Variants in RYR2 observed in about 807,000 individuals in gnomAD.
RYR2 encodes cardiac muscle ryanodine receptor-calcium release channel.
In RYR2, 227 loss-of-function variants were observed where a neutral mutation model predicts 601.1. The ratio of observed to expected loss-of-function variants is 0.38; its 90% CI spans 0.34 to 0.42. The LOEUF (loss-of-function observed/expected upper bound fraction) is 0.42, where lower values mean the gene tolerates loss of function less well. RYR2 is among the 10% of genes least tolerant of loss of function. The probability of loss-of-function intolerance (pLI) is 1.00; values close to 1 mark genes in which losing one functional copy is unlikely to be tolerated. For missense variants in RYR2, 4,646 were observed against 6,156.5 expected (o/e 0.75, Z 8.21); for synonymous variants, 2,223 against 2,175.1 (o/e 1.02, Z -0.61).
Position 237,333,734 on chromosome 1 carries a change from A to G in RYR2, c.273+2752A>G, listed in dbSNP as rs1696974876. 9 of 408,918 alleles carry G rather than the reference A, an allele frequency of 2.2e-5. No homozygotes were observed. In the East Asian group the frequency reaches 3.7e-4, roughly 17 times the overall value. 25.3% of individuals were successfully genotyped at this position (408,918 alleles called of 1,614,324 possible). On this transcript the variant is annotated intron_variant, in intron 3 of 104. Transcript: ENST00000366574. ...GCCTTATAATGTCCCCTTTACACTC[A>G]TTATGGAACTCTAATGGGGAATTTT... is the stretch of plus-strand genomic sequence containing the variant.
At chr1:237,735,080 T>C (rs1290743909) in intron 79 of RYR2, among the ~76,000 whole-genome samples, 1 of 152,188 alleles carries the variant, frequency 6.6e-6, no homozygotes, top group African/African-American at 2.4e-5. Context: ...CTAGAAGCTA[T>C]AGGACTTATT....
intron 1 of RYR2, among the ~76,000 whole-genome samples, chr1:237,063,199 C>T (rs894517573): frequency 1.5e-4 from 23 of 152,302 alleles, no homozygotes; most frequent in South Asian, 1.2e-3. Flanking sequence ...AGGGCCTTCA[C>T]CAGAACCTGG....
At chr1:237,483,172 T>C (rs568581035) in intron 17 of RYR2, among the ~76,000 whole-genome samples, 1 of 152,322 alleles carries the variant, frequency 6.6e-6, no homozygotes, top group South Asian at 2.1e-4. Flanking sequence ...ATATCTCCCC[T>C]GAATTCTCCT....
chr1:237,484,166 T>A (rs563471676), intron 17 of RYR2, among the ~76,000 whole-genome samples: 1 of 152,316 alleles, frequency 6.6e-6, no homozygotes, highest in South Asian at 2.1e-4. Flanking sequence ...TAATCTTTTG[T>A]CCAGTATTAT....
At chr1:237,209,956 T>C (rs1256304963) in intron 1 of RYR2, among the ~76,000 whole-genome samples, 4 of 152,204 alleles carry the variant, frequency 2.6e-5, no homozygotes, top group Admixed American at 6.5e-5. Context: ...ATCTTTGTGA[T>C]ATTTTTAATG....
intron 38 of RYR2, among the ~76,000 whole-genome samples, chr1:237,621,194 T>G (rs955851157): frequency 2.0e-5 from 3 of 152,102 alleles, no homozygotes; most frequent in Non-Finnish European, 4.4e-5. Flanking sequence ...GGGAGAAATT[T>G]AAAGATTCAT....
chr1:237,801,246 T>C (rs1181317253), intron 97 of RYR2, among the ~76,000 whole-genome samples: 1 of 151,886 alleles, frequency 6.6e-6, no homozygotes, highest in Non-Finnish European at 1.5e-5. Flanking sequence ...AAATGTTATA[T>C]GTAGCTGGGC....
intron 89 of RYR2, among the ~76,000 whole-genome samples, chr1:237,781,903 G>T (rs1573924175): frequency 6.6e-6 from 1 of 152,026 alleles, no homozygotes; most frequent in South Asian, 2.1e-4. Context: ...TAGTGATATC[G>T]TAAAAAGTAA....
At chr1:237,509,223 G>A (rs1485847860) in intron 23 of RYR2, among the ~76,000 whole-genome samples, 1 of 152,168 alleles carries the variant, frequency 6.6e-6, no homozygotes, top group Non-Finnish European at 1.5e-5. Context: ...CTTTCCTGGT[G>A]CAGGAGGTGT....
At chr1:237,724,976 G>A (rs1690077753) in intron 74 of RYR2, among the ~76,000 whole-genome samples, 1 of 152,054 alleles carries the variant, frequency 6.6e-6, no homozygotes, top group Non-Finnish European at 1.5e-5. Flanking sequence ...ATCCATTTAT[G>A]CCTTGGATGT....
intron 35 of RYR2, among the ~76,000 whole-genome samples, chr1:237,607,536 G>A (rs1490241351): frequency 6.6e-6 from 1 of 152,042 alleles, no homozygotes; most frequent in Non-Finnish European, 1.5e-5. Context: ...TAACAAACCT[G>A]CACATTGTGC....
intron 1 of RYR2, among the ~76,000 whole-genome samples, chr1:237,212,760 A>T (rs900968223): frequency 2.0e-5 from 3 of 150,140 alleles, no homozygotes; most frequent in Non-Finnish European, 4.5e-5. Context: ...CCTGCGTGTT[A>T]ACCATGATTG....
intron 96 of RYR2, among the ~76,000 whole-genome samples, chr1:237,797,725 G>A (rs2149403000): frequency 6.6e-6 from 1 of 152,324 alleles, no homozygotes; most frequent in African/African-American, 2.4e-5. Flanking sequence ...TATTAATTTA[G>A]TAAAGGTCGT....
chr1:237,355,100 A>G (rs1156526398), intron 3 of RYR2, among the ~76,000 whole-genome samples: 1 of 152,096 alleles, frequency 6.6e-6, no homozygotes, highest in African/African-American at 2.4e-5. Flanking sequence ...TACCTAATTA[A>G]TGAGTTTTCT....
At chr1:237,484,676 A>G (rs943605593) in intron 17 of RYR2, among the ~76,000 whole-genome samples, 2 of 152,236 alleles carry the variant, frequency 1.3e-5, no homozygotes, top group African/African-American at 4.8e-5. Flanking sequence ...AGACAGCCTG[A>G]GTTGTGACCT....
intron 1 of RYR2, among the ~76,000 whole-genome samples, chr1:237,148,529 T>TATATATATATATATATATATACACACAC (rs1558319905): frequency 2.1e-4 from 9 of 42,532 alleles, no homozygotes; most frequent in African/African-American, 8.2e-4. Flanking sequence ...AAAAAAAAAA[T>TATATATATATATATATATATACACACAC]ATATATATAT....
At position 237,566,778 on chromosome 1, in the gene RYR2, G is replaced by A. The variant is rs774603045; in HGVS notation, c.3423+3G>A. 2 of 1,613,896 alleles carry A rather than the reference G, an allele frequency of 1.2e-6. No individual in the cohort carries two copies. The highest frequency in any genetic ancestry group is 2.2e-5 in the South Asian group (2 of 91,064). ...CCTTTGCCTTTGATGGCTTCAAGGT[G>A]AGTGGACTTTGTCCTGTGCCAGTCA... is the stretch of plus-strand genomic sequence containing the variant. On this transcript the variant is annotated splice_donor_region_variant and intron_variant, in intron 28 of 104. Transcript: ENST00000366574.
At chr1:237,208,308 A>G in intron 1 of RYR2, among the ~76,000 whole-genome samples, 1 of 152,178 alleles carries the variant, frequency 6.6e-6, no homozygotes, top group East Asian at 1.9e-4. Flanking sequence ...AGTGTTCAAG[A>G]CATCAGGCTA....
chr1:237,681,302 A>G (rs1026595031), intron 62 of RYR2, among the ~76,000 whole-genome samples: 3 of 152,256 alleles, frequency 2.0e-5, no homozygotes, highest in Non-Finnish European at 4.4e-5. Flanking sequence ...TGGAGAAAAT[A>G]CAGACTTTCC....
Sources: gnomAD v4.1 joint callset for allele counts (sites outside exome capture counted in the v4.1 genomes callset) on GRCh38, gnomAD v4.1.1 for gene constraint, MANE v1.5 for transcripts, NCBI Gene and HGNC (gene_info 2026-07-23, HGNC 2026-07-21) for gene names.